ASPRV1: variants seen among roughly 807,000 people sequenced by gnomAD.
The protein encoded by ASPRV1 is retroviral-like aspartic protease 1.
A neutral mutation model predicts 11.0 loss-of-function variants in ASPRV1; 7 were observed. That is an observed-to-expected ratio of 0.64 (90% CI 0.36 to 1.20). The LOEUF (loss-of-function observed/expected upper bound fraction) is 1.20. ASPRV1 is among the 50% of genes most tolerant of loss of function. The probability of loss-of-function intolerance (pLI) is 0.02; values close to 1 mark genes in which losing one functional copy is unlikely to be tolerated. For synonymous variants in ASPRV1, 136 were observed against 138.4 expected, an observed-to-expected ratio of 0.98 and a Z score of 0.12; for missense variants, 299 against 320.0, an observed-to-expected ratio of 0.93 and a Z score of 0.50.
Position 69,960,603 on chromosome 2 carries a change from C to A in ASPRV1, c.*54G>T, listed in dbSNP as rs533991067. ...CCCCATGAGGATATGCAACCCCCCC[C>A]ACAGCGGTGGGTCTTCCCACCAATA... On this transcript the variant is annotated 3_prime_UTR_variant, in exon 1 of 1. Coordinates refer to ENST00000320256, the MANE Select transcript of ASPRV1 (RefSeq NM_152792.4). 1.0e-5 allele frequency: 16 copies of A among 1,531,694 alleles called. No homozygotes were observed. The East Asian group carries it at 1.1e-4, about 11-fold the overall frequency. The allele number at this position is 1,531,694 out of a possible 1,614,324, so 94.9% of individuals were successfully genotyped here.
the ASPRV1 span, among the ~76,000 whole-genome samples, chr2:69,952,564 A>G: frequency 2.0e-5 from 3 of 152,034 alleles, no homozygotes; most frequent in Non-Finnish European, 4.4e-5. Context: ...GAAGAAAAGA[A>G]AAGAAAAAAG....
chr2:69,949,992 T>G, the ASPRV1 span, among the ~76,000 whole-genome samples: 1 of 151,952 alleles, frequency 6.6e-6, no homozygotes, highest in Non-Finnish European at 1.5e-5. Flanking sequence ...ATTTTTGTAT[T>G]TTTAGTAGGG....
At chr2:70,044,523 G>A in the ASPRV1 span, among the ~76,000 whole-genome samples, 1 of 152,130 alleles carries the variant, frequency 6.6e-6, no homozygotes, top group Non-Finnish European at 1.5e-5. Flanking sequence ...GCAATGACAC[G>A]ATCTCGGCTC....
chr2:70,043,209 G>A, the ASPRV1 span, among the ~76,000 whole-genome samples: 2 of 152,158 alleles, frequency 1.3e-5, no homozygotes, highest in Non-Finnish European at 2.9e-5. Flanking sequence ...CCTGAGGTCA[G>A]GAGTTCAAGA....
the ASPRV1 span, among the ~76,000 whole-genome samples, chr2:70,058,519 G>C: frequency 7.2e-4 from 110 of 151,944 alleles, no homozygotes; most frequent in African/African-American, 2.4e-3. Context: ...TACAATTACA[G>C]GTGTAAACCA....
chr2:69,978,366 C>T, the ASPRV1 span, among the ~76,000 whole-genome samples: 1 of 152,090 alleles, frequency 6.6e-6, no homozygotes, highest in Non-Finnish European at 1.5e-5. Flanking sequence ...GGACACAACC[C>T]GGAGGGCCAG....
At chr2:69,987,731 C>T in the ASPRV1 span, among the ~76,000 whole-genome samples, 1 of 152,138 alleles carries the variant, frequency 6.6e-6, no homozygotes, top group Non-Finnish European at 1.5e-5. Context: ...GCCTGCACCA[C>T]AGTGAAACCC....
chr2:70,075,781 G>A, the ASPRV1 span, among the ~76,000 whole-genome samples: 9 of 152,218 alleles, frequency 5.9e-5, no homozygotes, highest in Non-Finnish European at 1.2e-4. Context: ...CCCGGGAGGC[G>A]GAGGTTGCGG....
the ASPRV1 span, among the ~76,000 whole-genome samples, chr2:70,076,331 T>G: frequency 1.3e-5 from 2 of 152,270 alleles, no homozygotes; most frequent in Admixed American, 1.3e-4. Context: ...ATATGCTGTG[T>G]GACTTACACA....
chr2:70,069,337 C>T, the ASPRV1 span: 1 of 152,222 alleles, frequency 6.6e-6, no homozygotes, highest in Non-Finnish European at 1.5e-5. Flanking sequence ...GAGCCAGGAA[C>T]AGGTGGTTCC....
rs755318799 is a variant in ASPRV1, at chr2:69,960,851, C to T, written c.586G>A (p.Glu196Lys). The T allele has an allele frequency of 1.2e-5, 20 of 1,614,144 alleles. No individual in the cohort carries two copies. Among genetic ancestry groups the T allele is most frequent in the Non-Finnish European group, 1.6e-5 (19 of 1,180,034 alleles). The change falls in exon 1 of 1, where the codon GAG becomes AAG. Residue 196 changes from glutamate to lysine, a missense_variant. Physicochemically the swap from Glu to Lys is moderately conservative, Grantham distance 56. Coordinates refer to ENST00000320256, the MANE Select transcript of ASPRV1 (RefSeq NM_152792.4). Reference sequence around the variant, plus strand: ...ACATCAGTGCCAATGATGGCTTCCTCGGCACTCGCATTGGCCACTAGGAAC... The same window carrying T: ...ACATCAGTGCCAATGATGGCTTCCTTGGCACTCGCATTGGCCACTAGGAAC... ...AQFLVANASAEEAIIGTDVLQ... is the reference protein window; with the variant it reads ...AQFLVANASAKEAIIGTDVLQ...
At chr2:70,059,144 G>C in the ASPRV1 span, among the ~76,000 whole-genome samples, 2 of 151,626 alleles carry the variant, frequency 1.3e-5, no homozygotes, top group Non-Finnish European at 2.9e-5. Context: ...GCCCACCTCA[G>C]CCTCCCAAAG....
chr2:69,951,504 TA>T, the ASPRV1 span, among the ~76,000 whole-genome samples: 1 of 145,374 alleles, frequency 6.9e-6, no homozygotes, highest in African/African-American at 2.7e-5. Flanking sequence ...TGTATATTTA[TA>T]TATATAGATC....
the ASPRV1 span, among the ~76,000 whole-genome samples, chr2:70,085,009 G>A: frequency 6.6e-6 from 1 of 152,190 alleles, no homozygotes; most frequent in Non-Finnish European, 1.5e-5. Context: ...TCAGGCACCA[G>A]TTTGTTGCTT....
chr2:69,956,915 C>T (rs182204464), downstream of ASPRV1, among the ~76,000 whole-genome samples: 23 of 152,242 alleles, frequency 1.5e-4, 1 homozygote, highest in East Asian at 1.9e-3. Context: ...GAACATTCTA[C>T]AGAATAACTG....
At chr2:69,970,078 C>T in the ASPRV1 span, among the ~76,000 whole-genome samples, 3 of 152,060 alleles carry the variant, frequency 2.0e-5, no homozygotes, top group East Asian at 1.9e-4. Context: ...AGCCAGCCCT[C>T]GGAGTCACAG....
At chr2:70,016,321 G>C in the ASPRV1 span, 1 of 152,026 alleles carries the variant, frequency 6.6e-6, no homozygotes, top group Non-Finnish European at 1.5e-5. Flanking sequence ...AGCCAGACAA[G>C]GACACTACAA....
Position 69,961,311 on chromosome 2 carries a change from G to A in ASPRV1, c.126C>T (p.Leu42=). The A allele has an allele frequency of 6.2e-7, 1 of 1,614,124 alleles. No homozygotes were observed. Among genetic ancestry groups the A allele is most frequent in the Non-Finnish European group, 8.5e-7 (1 of 1,180,034 alleles). The change falls in exon 1 of 1, where the codon CTC becomes CTT. Residue 42 remains leucine, a synonymous_variant. Transcript: ENST00000320256. ...GCTTGGTGATATGGTCCCAATGGTT[G>A]AGGTCATTGATGACTTCAAAGCTGT... is the stretch of plus-strand genomic sequence containing the variant. ...WLHSFEVIND[L]NHWDHITKLR... is the part of the protein sequence containing the mutation.
the ASPRV1 span, among the ~76,000 whole-genome samples, chr2:69,978,768 G>A: frequency 1.3e-5 from 2 of 152,296 alleles, no homozygotes; most frequent in East Asian, 1.9e-4. Context: ...CAGGAGAGCC[G>A]GGCTGCCTCA....
Sources: allele counts gnomAD v4.1 joint callset (sites outside exome capture counted in the v4.1 genomes callset), GRCh38; gene constraint gnomAD v4.1.1; transcripts MANE v1.5; gene names NCBI Gene and HGNC (gene_info 2026-07-23, HGNC 2026-07-21).